The following EPB41L4A variants were observed in gnomAD, a reference collection of about 807,000 sequenced individuals.
EPB41L4A encodes erythrocyte membrane protein band 4.1 like 4A.
In EPB41L4A, 100 loss-of-function variants were observed where a neutral mutation model predicts 108.6. That is an observed-to-expected ratio of 0.92 (90% CI 0.78 to 1.09). The LOEUF (loss-of-function observed/expected upper bound fraction) is 1.09. Among genes scored for constraint, EPB41L4A ranks in the 50% least tolerant of loss-of-function variants. The pLI, the probability that EPB41L4A is intolerant of heterozygous loss-of-function variation, is 0.00. For synonymous variants in EPB41L4A, 319 were observed against 289.0 expected (o/e 1.10, Z -1.05); for missense variants, 1,030 against 842.7 (o/e 1.22, Z -2.75).
chr5:112,170,340 G>A lies in EPB41L4A; in HGVS notation c.1700C>T (p.Ser567Phe). The change falls in exon 20 of 23, where the codon TCC (serine) becomes TTC (phenylalanine). Residue 567 changes from serine (S) to phenylalanine (F), a missense_variant. Ser to Phe is a radical substitution (Grantham distance 155). Coordinates refer to ENST00000261486, the MANE Select transcript of EPB41L4A (RefSeq NM_022140.5). Reference protein sequence around the residue: ...QKELVDPSGLSEEQLKEIPYT... With the variant: ...QKELVDPSGLFEEQLKEIPYT... ...TGGAATCTCTTTTAATTGTTCTTCG[G>A]ACAATCCGGATGGATCCACAAGTTC... The A allele has an allele frequency of 2.5e-6, 4 of 1,612,306 alleles. No individual in the cohort carries two copies. In the South Asian group the frequency reaches 4.4e-5, roughly 18 times the overall value.
chr5:112,209,739 T>C (rs565945691), intron 13 of EPB41L4A, among the ~76,000 whole-genome samples, 153 bp downstream of exon 13: 1 of 152,364 alleles, frequency 6.6e-6, no homozygotes, highest in East Asian at 1.9e-4. Flanking sequence ...ATTGGTGTTT[T>C]AATGTATTAT....
At chr5:112,226,022 C>G (rs1286972429) in intron 12 of EPB41L4A, among the ~76,000 whole-genome samples, 4 of 152,174 alleles carry the variant, frequency 2.6e-5, no homozygotes, top group Non-Finnish European at 5.9e-5. Context: ...CCTGACATTC[C>G]TCTCCTTTGG....
In EPB41L4A at chr5:112,168,991, T is replaced by C; in HGVS notation, c.1850+4A>G. On this transcript the variant is annotated splice_donor_region_variant and intron_variant, in intron 21 of 22. Coordinates refer to ENST00000261486, the MANE Select transcript of EPB41L4A (RefSeq NM_022140.5). ...TGATGGTGTACTCTGGCCTGCCCAC[T>C]TACTTCACTTCCGAGAGAACTGATC... 6.2e-7 allele frequency: 1 copy of C among 1,607,838 alleles called. No homozygotes were observed. Among genetic ancestry groups the C allele is most frequent in the Non-Finnish European group, 8.5e-7 (1 of 1,174,254 alleles).
intron 1 of EPB41L4A, among the ~76,000 whole-genome samples, chr5:112,408,730 C>T (rs1358778985): frequency 1.1e-5 from 1 of 88,374 alleles, no homozygotes; most frequent in Non-Finnish European, 2.2e-5. Context: ...GGCCAGTAAG[C>T]ACAAGAAAAG....
chr5:112,190,621 T>C (rs912897456), intron 17 of EPB41L4A, among the ~76,000 whole-genome samples: 2 of 152,232 alleles, frequency 1.3e-5, no homozygotes, highest in Non-Finnish European at 2.9e-5. Context: ...CGTGGCTCTG[T>C]ACTTCAAAGT....
At chr5:112,342,429 G>A (rs1221917881) in intron 1 of EPB41L4A, among the ~76,000 whole-genome samples, 2 of 152,210 alleles carry the variant, frequency 1.3e-5, no homozygotes, top group Non-Finnish European at 2.9e-5. Flanking sequence ...GTGGGCTGGA[G>A]GTAACAGGCA....
intron 1 of EPB41L4A, among the ~76,000 whole-genome samples, chr5:112,323,562 T>C (rs1217179990): frequency 2.0e-5 from 3 of 152,202 alleles, no homozygotes; most frequent in Admixed American, 6.5e-5. Flanking sequence ...ATTAAGTAAA[T>C]ACCCTCTACT....
chr5:112,173,676 C>T (rs1760717854), intron 18 of EPB41L4A: 1 of 147,068 alleles, frequency 6.8e-6, no homozygotes, highest in Non-Finnish European at 1.5e-5. Context: ...GAGAGTCTCG[C>T]TCTGTCACCC....
At chr5:112,205,377 C>T (rs1339576332) in intron 14 of EPB41L4A, 44 bp downstream of exon 14, 19 of 1,488,560 alleles carry the variant, frequency 1.3e-5, no homozygotes, top group Non-Finnish European at 1.8e-5. Context: ...ATGTACTAAC[C>T]CCTTTTCTAC....
At chr5:112,297,211 C>G (rs752697697) in intron 2 of EPB41L4A, among the ~76,000 whole-genome samples, 1 of 152,168 alleles carries the variant, frequency 6.6e-6, no homozygotes, top group Non-Finnish European at 1.5e-5. Flanking sequence ...TAAGGAATCT[C>G]CACACTGTTT....
At chr5:112,187,049 T>G (rs1438217890) in intron 17 of EPB41L4A, among the ~76,000 whole-genome samples, 1 of 152,188 alleles carries the variant, frequency 6.6e-6, no homozygotes, top group African/African-American at 2.4e-5. Flanking sequence ...TTAATCTCGA[T>G]GTATAGATTT....
intron 4 of EPB41L4A, among the ~76,000 whole-genome samples, chr5:112,268,415 A>G (rs897745076): frequency 1.5e-4 from 23 of 152,034 alleles, no homozygotes; most frequent in Non-Finnish European, 7.4e-5. Context: ...TAAACAAAAG[A>G]GACAACTGTG....
In EPB41L4A at chr5:112,350,026, T is replaced by C. The variant is rs114305713; in HGVS notation, c.100-42536A>G. 9.3e-3 allele frequency among the ~76,000 whole-genome samples: 1,414 copies of C among 152,320 alleles called. 26 individuals are homozygous for C. The highest frequency in any genetic ancestry group is 0.033 in the African/African-American group (1,351 of 41,560). Reference sequence around the variant, plus strand: ...GTAGAACAGCATTGCCCAACCGAACTGTTGCCATGACAGAAATATTCTGTA... The same window carrying C: ...GTAGAACAGCATTGCCCAACCGAACCGTTGCCATGACAGAAATATTCTGTA... On this transcript the variant is annotated intron_variant, in intron 1 of 22. Coordinates refer to ENST00000261486, the MANE Select transcript of EPB41L4A (RefSeq NM_022140.5).
rs1760395576 is a variant in EPB41L4A, at chr5:112,168,721, A to C, written c.1932+18T>G. The C allele has an allele frequency of 6.2e-7, 1 of 1,603,970 alleles. No individual in the cohort carries two copies. Among genetic ancestry groups the C allele is most frequent in the African/African-American group, 1.3e-5 (1 of 74,738 alleles). On this transcript the variant is annotated intron_variant, in intron 22 of 22. Transcript: ENST00000261486. ...TGTCATCAATACAACACCTTCTTCA[A>C]ACCTTACTATTACTAACCTGATGAA...
exon 13 of EPB41L4A, chr5:112,145,926 C>G (rs141453257): frequency 4.4e-6 from 2 of 456,660 alleles, no homozygotes; most frequent in African/African-American, 4.0e-5. Flanking sequence ...TTATGAGAGA[C>G]CTTCTGAAGT....
At chr5:112,386,591 G>T (rs1180021587) in intron 1 of EPB41L4A, among the ~76,000 whole-genome samples, 1 of 152,132 alleles carries the variant, frequency 6.6e-6, no homozygotes, top group African/African-American at 2.4e-5. Flanking sequence ...ATCTGCAAAA[G>T]ATGTAAGATA....
intron 1 of EPB41L4A, among the ~76,000 whole-genome samples, chr5:112,317,431 A>T (rs1407191405): frequency 6.6e-6 from 1 of 152,226 alleles, no homozygotes; most frequent in Non-Finnish European, 1.5e-5. Context: ...GTAACACAGA[A>T]AGAAAGGGAA....
At chr5:112,294,357 G>A (rs1366106403) in intron 2 of EPB41L4A, among the ~76,000 whole-genome samples, 7 of 152,206 alleles carry the variant, frequency 4.6e-5, no homozygotes, top group Admixed American at 6.5e-5. Flanking sequence ...CAGTCCAGGC[G>A]AGAGTTCTTT....
chr5:112,226,991 A>C (rs1006143769), intron 12 of EPB41L4A, among the ~76,000 whole-genome samples: 17 of 151,948 alleles, frequency 1.1e-4, no homozygotes, highest in African/African-American at 4.1e-4. Flanking sequence ...GAAAAAAAAA[A>C]AAAAGGCTTG....
Sources: allele counts gnomAD v4.1 joint callset (sites outside exome capture counted in the v4.1 genomes callset), GRCh38; gene constraint gnomAD v4.1.1; transcripts MANE v1.5; gene names NCBI Gene and HGNC (gene_info 2026-07-23, HGNC 2026-07-21).